THSD7B: variants seen among roughly 807,000 people sequenced by gnomAD.
The protein encoded by THSD7B is thrombospondin type-1 domain-containing protein 7B.
Under a neutral mutation model 213.6 loss-of-function variants are expected in THSD7B, and 138 were observed. That is an observed-to-expected ratio of 0.65 (90% CI 0.56 to 0.74). The LOEUF is 0.74. Among genes scored for constraint, THSD7B ranks in the 30% least tolerant of loss-of-function variants. The pLI, the probability that THSD7B is intolerant of heterozygous loss-of-function variation, is 0.00. For synonymous variants in THSD7B, 742 were observed against 687.0 expected, an observed-to-expected ratio of 1.08 and a Z score of -1.25; for missense variants, 1,931 against 1,991.5, an observed-to-expected ratio of 0.97 and a Z score of 0.58.
chr2:136,770,395 G>T (rs2710184), intron 1 of THSD7B, among the ~76,000 whole-genome samples: 27,941 of 152,014 alleles, frequency 0.18, 3,191 homozygotes, highest in African/African-American at 0.3. Flanking sequence ...AGTTAGACAG[G>T]GCACATGAAT....
At chr2:137,216,192 T>G (rs1681237915) in intron 7 of THSD7B, among the ~76,000 whole-genome samples, 1 of 152,040 alleles carries the variant, frequency 6.6e-6, no homozygotes, top group Non-Finnish European at 1.5e-5. Context: ...ATTTTTCTGT[T>G]TACATACTTA....
intron 2 of THSD7B, among the ~76,000 whole-genome samples, chr2:136,890,293 A>C (rs1283329678): frequency 6.1e-4 from 2 of 3,280 alleles, no homozygotes; most frequent in Non-Finnish European, 1.0e-3. Flanking sequence ...ATTCATGTCC[A>C]TGTCCTACTC....
intron 14 of THSD7B, among the ~76,000 whole-genome samples, chr2:137,438,157 T>G (rs929983594): frequency 6.6e-6 from 1 of 152,130 alleles, no homozygotes; most frequent in African/African-American, 2.4e-5. Context: ...ACTTTAGAGA[T>G]AAGAAAATTG....
chr2:137,507,897 G>A (rs1465156799), intron 15 of THSD7B, among the ~76,000 whole-genome samples: 2 of 152,180 alleles, frequency 1.3e-5, no homozygotes, highest in East Asian at 3.9e-4. Flanking sequence ...AATTGAGCCA[G>A]CATTGTAGAA....
At chr2:137,460,653 T>C (rs1687866146) in intron 15 of THSD7B, among the ~76,000 whole-genome samples, 1 of 152,116 alleles carries the variant, frequency 6.6e-6, no homozygotes, top group Non-Finnish European at 1.5e-5. Flanking sequence ...AAAAGTAATA[T>C]AACTTTTAAA....
At chr2:137,419,354 A>G (rs538491309) in intron 14 of THSD7B, among the ~76,000 whole-genome samples, 7 of 144,794 alleles carry the variant, frequency 4.8e-5, no homozygotes, top group African/African-American at 1.7e-4. Context: ...CTCAGCCCCC[A>G]CTTTTGGTGG....
At chr2:137,262,035 A>G (rs1224615178) in intron 10 of THSD7B, among the ~76,000 whole-genome samples, 1 of 152,056 alleles carries the variant, frequency 6.6e-6, no homozygotes, top group African/African-American at 2.4e-5. Flanking sequence ...GTCCTGTAAA[A>G]GCTGAGGATG....
At chr2:136,877,299 G>A (rs777298682) in intron 1 of THSD7B, among the ~76,000 whole-genome samples, 7 of 152,122 alleles carry the variant, frequency 4.6e-5, no homozygotes, top group African/African-American at 9.7e-5. Flanking sequence ...TAGCAAAAGC[G>A]CAGTTGTGAC....
At chr2:137,501,699 T>A (rs113720108) in intron 15 of THSD7B, among the ~76,000 whole-genome samples, 2,175 of 152,316 alleles carry the variant, frequency 0.014, 53 homozygotes, top group African/African-American at 0.048. Flanking sequence ...AAAAACCACT[T>A]GAGTAATTTG....
At chr2:137,311,719 T>G in intron 12 of THSD7B, among the ~76,000 whole-genome samples, 1 of 151,638 alleles carries the variant, frequency 6.6e-6, no homozygotes, top group Non-Finnish European at 1.5e-5. Context: ...GCATGAAGGG[T>G]TGTTGAATTT....
At chr2:136,815,046 A>G (rs1358157631) in intron 1 of THSD7B, among the ~76,000 whole-genome samples, 1 of 152,208 alleles carries the variant, frequency 6.6e-6, no homozygotes, top group Non-Finnish European at 1.5e-5. Context: ...TATGGCTACT[A>G]TTGAGCTATA....
chr2:137,555,356 A>G lies in THSD7B; in HGVS notation c.3139-7865A>G, dbSNP rs1391028386. Among the ~76,000 whole-genome samples the G allele has an allele frequency of 2.6e-5, 4 of 152,200 alleles. No individual in the cohort carries two copies. The East Asian group carries it at 5.8e-4, about 22-fold the overall frequency. ...CCTCTGAGATGAAACCTCCAGGGGA[A>G]CGATTAGACAGCAACATTTGCTGTT... is the stretch of plus-strand genomic sequence containing the variant. On this transcript the variant is annotated intron_variant, in intron 15 of 27. Transcript: ENST00000409968.
intron 21 of THSD7B, among the ~76,000 whole-genome samples, chr2:137,643,628 T>C (rs1384063540): frequency 6.6e-6 from 1 of 152,220 alleles, no homozygotes; most frequent in East Asian, 1.9e-4. Flanking sequence ...TTCAGCAATA[T>C]TTAAATGTTG....
At chr2:137,157,035 T>C (rs1679923868) in intron 5 of THSD7B, among the ~76,000 whole-genome samples, 1 of 152,200 alleles carries the variant, frequency 6.6e-6, no homozygotes, top group Non-Finnish European at 1.5e-5. Flanking sequence ...TGCTGTAATA[T>C]GGACTCTATG....
chr2:136,904,577 C>T (rs184026974), intron 2 of THSD7B, among the ~76,000 whole-genome samples: 177 of 152,042 alleles, frequency 1.2e-3, no homozygotes, highest in African/African-American at 3.7e-3. Context: ...TGCTTGGAAC[C>T]GGGCAGAGGT....
rs376255756 is a variant in THSD7B at position 136,923,435 on chromosome 2, T to C, written c.139+41118T>C. 3.6e-4 allele frequency among the ~76,000 whole-genome samples: 55 copies of C among 152,330 alleles called. No individual in the cohort carries two copies. The East Asian group carries it at 9.6e-3, about 27-fold the overall frequency. ...TGAGTGTGCAGATACCTTTTCAAGA[T>C]CCTTTTTCTTCAATTCTTGTGGATA... On this transcript the variant is annotated intron_variant, in intron 2 of 27. Transcript: ENST00000409968.
chr2:137,015,594 C>T (rs1686323530), intron 2 of THSD7B, among the ~76,000 whole-genome samples: 1 of 152,206 alleles, frequency 6.6e-6, no homozygotes, highest in African/African-American at 2.4e-5. Context: ...GAATTTCATT[C>T]TCCCTTGACA....
At chr2:136,995,122 T>G (rs185714240) in intron 2 of THSD7B, among the ~76,000 whole-genome samples, 154 of 152,190 alleles carry the variant, frequency 1.0e-3, no homozygotes, top group African/African-American at 3.7e-3. Context: ...TGGAGTAGAG[T>G]AGGGTAGAAG....
intron 21 of THSD7B, among the ~76,000 whole-genome samples, chr2:137,651,260 C>T (rs1303889914): frequency 6.6e-6 from 1 of 151,646 alleles, no homozygotes; most frequent in Non-Finnish European, 1.5e-5. Flanking sequence ...ACTTGTTACT[C>T]GTTTGTTGCC....
Sources: gnomAD v4.1 joint callset for allele counts (sites outside exome capture counted in the v4.1 genomes callset) on GRCh38, gnomAD v4.1.1 for gene constraint, MANE v1.5 for transcripts, NCBI Gene and HGNC (gene_info 2026-07-23, HGNC 2026-07-21) for gene names.